THBS4: variants seen among roughly 807,000 people sequenced by gnomAD.
The protein encoded by THBS4 is thrombospondin 4.
In THBS4, 90 loss-of-function variants were observed where a neutral mutation model predicts 115.7. The ratio of observed to expected loss-of-function variants is 0.78; its 90% confidence interval spans 0.66 to 0.93. The LOEUF (loss-of-function observed/expected upper bound fraction) is 0.93, where lower values mean the gene tolerates loss of function less well. THBS4 is among the 40% of genes least tolerant of loss of function. The pLI, the probability that THBS4 is intolerant of heterozygous loss-of-function variation, is 0.00. For missense variants in THBS4, 1,087 were observed against 1,232.7 expected (o/e 0.88, Z 1.77); for synonymous variants, 460 against 479.3 (o/e 0.96, Z 0.53).
chr5:80,059,298 CCAGCCTGGGCGA>C (rs1833541420), intron 5 of THBS4, 130 bp from the exon 6 acceptor site: 1 of 825,184 alleles, frequency 1.2e-6, no homozygotes, highest in Non-Finnish European at 1.9e-6. Flanking sequence ...CCACTGCACT[CCAGCCTGGGCGA>C]CAGACTGAGA....
chr5:80,078,024 C>G, intron 16 of THBS4, 25 bp from the exon 17 acceptor site: 2 of 1,545,654 alleles, frequency 1.3e-6, no homozygotes, highest in Non-Finnish European at 1.8e-6. Context: ...CTATTGAGCT[C>G]CTGTCCTTTC....
chr5:80,059,827 C>T lies in THBS4; in HGVS notation c.909C>T (p.Asp303=), dbSNP rs756107436. The change falls in exon 7 of 22, where the codon GAC becomes GAT. Residue 303 remains aspartate, a synonymous_variant. Transcript: ENST00000350881. ...GTTTCCGAGGTGTCCAATGTACCGA[C>T]AGTAGAGATGGCTTCCAGTGTGGGC... The part of the protein sequence containing the change: ...NPCFRGVQCT[D]SRDGFQCGPC... The T allele has an allele frequency of 1.2e-6, 2 of 1,614,188 alleles. No homozygotes were observed. Among genetic ancestry groups the T allele is most frequent in the Non-Finnish European group, 1.7e-6 (2 of 1,180,042 alleles).
chr5:80,061,416 G>A (rs1440950912), intron 7 of THBS4, among the ~76,000 whole-genome samples: 2 of 152,168 alleles, frequency 1.3e-5, no homozygotes, highest in Non-Finnish European at 2.9e-5. Context: ...GAATATCAGG[G>A]AGCTTATTAC....
At chr5:80,031,711 A>G (rs964168040), upstream of THBS4, among the ~76,000 whole-genome samples, 9 of 152,248 alleles carry the variant, frequency 5.9e-5, no homozygotes, top group Non-Finnish European at 8.8e-5. Flanking sequence ...AACCAGCCCA[A>G]TAACACAAGC....
chr5:80,073,736 T>G (rs1195184891), intron 15 of THBS4, among the ~76,000 whole-genome samples: 1 of 152,194 alleles, frequency 6.6e-6, no homozygotes, highest in African/African-American at 2.4e-5. Context: ...CTTGGGATCT[T>G]TCTGGGTGGA....
At chr5:80,013,923 C>T (rs1832197525) in intron 2 of THBS4, among the ~76,000 whole-genome samples, 1 of 152,062 alleles carries the variant, frequency 6.6e-6, no homozygotes, top group Non-Finnish European at 1.5e-5. Flanking sequence ...GGAAGTTTAC[C>T]ATAAGGTAAG....
At chr5:80,002,479 A>G (rs141108850) in intron 2 of THBS4, among the ~76,000 whole-genome samples, 2 of 145,358 alleles carry the variant, frequency 1.4e-5, no homozygotes, top group East Asian at 4.3e-4. Flanking sequence ...TATAACAGTC[A>G]TGCTGCCTCG....
At chr5:79,996,100 G>A (rs1397925885) in intron 1 of THBS4, among the ~76,000 whole-genome samples, 13 of 152,028 alleles carry the variant, frequency 8.6e-5, no homozygotes, top group Admixed American at 8.5e-4. Context: ...TCGTACCACT[G>A]CACTCCAGCC....
chr5:80,029,259 C>T (rs1384330166), intron 2 of THBS4, among the ~76,000 whole-genome samples: 1 of 152,168 alleles, frequency 6.6e-6, no homozygotes, highest in African/African-American at 2.4e-5. Flanking sequence ...TACATCTAGA[C>T]ACCTGGCACT....
intron 2 of THBS4, among the ~76,000 whole-genome samples, chr5:80,054,955 T>C (rs1833374331): frequency 6.6e-6 from 1 of 152,206 alleles, no homozygotes; most frequent in Non-Finnish European, 1.5e-5. Flanking sequence ...CTTGAGCAAG[T>C]GCCTTCATTT....
At chr5:80,042,550 C>T (rs897063391) in intron 2 of THBS4, among the ~76,000 whole-genome samples, 1 of 152,182 alleles carries the variant, frequency 6.6e-6, no homozygotes, top group Non-Finnish European at 1.5e-5. Context: ...GAAGCAACTT[C>T]CCCTGAACGG....
intron 2 of THBS4, among the ~76,000 whole-genome samples, chr5:80,000,519 T>G (rs1207658397): frequency 6.6e-6 from 1 of 152,178 alleles, no homozygotes; most frequent in Non-Finnish European, 1.5e-5. Context: ...TCCTAATATG[T>G]CATGCCTTCT....
chr5:80,041,725 C>T (rs370483580), intron 2 of THBS4, among the ~76,000 whole-genome samples: 2 of 152,250 alleles, frequency 1.3e-5, no homozygotes, highest in South Asian at 2.1e-4. Flanking sequence ...ACTCCTTCCC[C>T]GGGGGACAAC....
intron 8 of THBS4, among the ~76,000 whole-genome samples, chr5:80,062,906 T>G (rs1402256795): frequency 1.3e-5 from 2 of 152,266 alleles, no homozygotes; most frequent in Non-Finnish European, 2.9e-5. Flanking sequence ...GGTGTATATG[T>G]GCCACATTTT....
At chr5:80,039,065 CA>C (rs1163145757) in intron 1 of THBS4, among the ~76,000 whole-genome samples, 3 of 152,152 alleles carry the variant, frequency 2.0e-5, no homozygotes, top group African/African-American at 7.2e-5. Flanking sequence ...ATTGCCTTTT[CA>C]TATTCCTTGC....
chr5:80,070,331 G>A lies in THBS4; in HGVS notation c.1373G>A (p.Gly458Asp), dbSNP rs1833988360. ...CVCGVGWAGD[G>D]YICGKDVDID... is the part of the protein sequence containing the mutation. The stretch of plus-strand genomic sequence containing the variant: ...TGTGGAGTCGGTTGGGCTGGAGATG[G>A]CTATATCTGTGGAAAGGATGTGGAC... The change falls in exon 11 of 22, where the codon GGC becomes GAC. Residue 458 changes from glycine to aspartate, a missense_variant. Around this residue, in one of 3 missense-constraint regions of THBS4, gnomAD observed 979 missense variants for 1,103.7 expected, o/e 0.89. Transcript: ENST00000350881. 6.2e-7 allele frequency: 1 copy of A among 1,602,288 alleles called. No individual in the cohort carries two copies. Among genetic ancestry groups the A allele is most frequent in the African/African-American group, 1.3e-5 (1 of 74,714 alleles).
intron 2 of THBS4, among the ~76,000 whole-genome samples, chr5:80,023,466 G>GC (rs1483980827): frequency 6.6e-6 from 1 of 152,140 alleles, no homozygotes; most frequent in Admixed American, 6.5e-5. Context: ...AGGGTTAGGT[G>GC]CCCCTTCCCT....
intron 9 of THBS4, among the ~76,000 whole-genome samples, chr5:80,065,908 T>C (rs1041613833): frequency 2.0e-5 from 3 of 152,084 alleles, no homozygotes; most frequent in African/African-American, 7.2e-5. Flanking sequence ...CTGGCTAACA[T>C]GGTTAAACCC....
At chr5:80,043,622 A>G (rs972211152) in intron 2 of THBS4, among the ~76,000 whole-genome samples, 1 of 152,204 alleles carries the variant, frequency 6.6e-6, no homozygotes, top group Non-Finnish European at 1.5e-5. Context: ...GGGTGACTAC[A>G]CAGCATCAAA....
Sources: allele counts gnomAD v4.1 joint callset (sites outside exome capture counted in the v4.1 genomes callset), GRCh38; gene constraint gnomAD v4.1.1; regional missense constraint gnomAD v4.1.1; transcripts MANE v1.5; gene names NCBI Gene and HGNC (gene_info 2026-07-23, HGNC 2026-07-21).